Variants in CCSER2 observed in about 807,000 individuals in gnomAD.
CCSER2 encodes the protein coiled-coil serine rich protein 2, also known as serine-rich coiled-coil domain-containing protein 2.
A neutral mutation model predicts 92.3 loss-of-function variants in CCSER2; 46 were observed. That is an observed-to-expected ratio of 0.50 (90% CI 0.39 to 0.64). The LOEUF (loss-of-function observed/expected upper bound fraction) is 0.64, where lower values mean the gene tolerates loss of function less well. Among genes scored for constraint, CCSER2 ranks in the 30% least tolerant of loss-of-function variants. CCSER2 has a pLI of 0.00. For synonymous variants in CCSER2, 433 were observed against 431.4 expected, an observed-to-expected ratio of 1.00 and a Z score of -0.04; for missense variants, 1,244 against 1,238.9, an observed-to-expected ratio of 1.00 and a Z score of -0.06.
intron 9 of CCSER2, among the ~76,000 whole-genome samples, chr10:84,486,259 A>G (rs1847802775): frequency 1.3e-5 from 2 of 152,234 alleles, no homozygotes; most frequent in African/African-American, 4.8e-5. Flanking sequence ...GTATATATCC[A>G]GTAATGGGAT....
chr10:84,392,594 A>G (rs890167195), intron 3 of CCSER2, among the ~76,000 whole-genome samples: 1 of 152,100 alleles, frequency 6.6e-6, no homozygotes, highest in Non-Finnish European at 1.5e-5. Context: ...AACTGCACAA[A>G]CAGAACTAAT....
chr10:84,476,937 A>G (rs757633504), intron 8 of CCSER2, among the ~76,000 whole-genome samples: 2 of 152,206 alleles, frequency 1.3e-5, no homozygotes, highest in Non-Finnish European at 2.9e-5. Context: ...AGTAAAGTCA[A>G]TACATCATGA....
intron 3 of CCSER2, among the ~76,000 whole-genome samples, chr10:84,407,968 G>A (rs1188526472): frequency 6.6e-6 from 1 of 152,094 alleles, no homozygotes; most frequent in Non-Finnish European, 1.5e-5. Context: ...TGCATGGAGG[G>A]GAGGGGCGGG....
At chr10:84,495,576 A>G (rs1370141427) in intron 9 of CCSER2, among the ~76,000 whole-genome samples, 1 of 152,104 alleles carries the variant, frequency 6.6e-6, no homozygotes, top group East Asian at 1.9e-4. Flanking sequence ...CTGTAATTGT[A>G]GATTTGGCGA....
chr10:84,442,253 A>G (rs1844616346), intron 6 of CCSER2, among the ~76,000 whole-genome samples: 1 of 152,136 alleles, frequency 6.6e-6, no homozygotes, highest in South Asian at 2.1e-4. Flanking sequence ...GGGGAAGGTG[A>G]TGGTGCTACA....
chr10:84,425,883 G>T lies in CCSER2; in HGVS notation c.1858G>T (p.Asp620Tyr). 6.3e-7 allele frequency: 1 copy of T among 1,599,490 alleles called. No individual in the cohort carries two copies. The highest frequency in any genetic ancestry group is 1.1e-5 in the South Asian group (1 of 89,002). Residue 620 changes from aspartate to tyrosine, a missense_variant, in exon 5 of 10, where the codon GAC (aspartate) becomes TAC (tyrosine). Physicochemically the swap from Asp to Tyr is radical, Grantham distance 160. Transcript: ENST00000372088. ...CCACTATCATCACCATGGAAAAAGT[G>T]ACTTGAGCAGGTAAGTACTGTTCTG... ...PDHYHHHGKS[D>Y]LSRGSPYRES... is the part of the protein sequence containing the mutation.
chr10:84,425,270 T>A, intron 4 of CCSER2: 1 of 513,532 alleles, frequency 1.9e-6, no homozygotes, highest in Non-Finnish European at 2.5e-6. Context: ...GATGAAAAGT[T>A]AATTTGTGCT....
chr10:84,384,523 T>C (rs1440105498), intron 3 of CCSER2, among the ~76,000 whole-genome samples: 1 of 152,128 alleles, frequency 6.6e-6, no homozygotes, highest in Non-Finnish European at 1.5e-5. Context: ...ACAAAATCCA[T>C]ATGATCATCT....
At chr10:84,379,585 AC>A (rs1840781880) in intron 3 of CCSER2, among the ~76,000 whole-genome samples, 1 of 146,452 alleles carries the variant, frequency 6.8e-6, no homozygotes, top group South Asian at 2.2e-4. Flanking sequence ...TTCAGTAAAC[AC>A]CCTAGTAGTA....
rs372200920 is a variant in CCSER2 at position 84,347,782 on chromosome 10, G to T, written c.-40+18974G>T. Among the ~76,000 whole-genome samples the T allele has an allele frequency of 3.9e-3, 590 of 151,624 alleles. 4 individuals carry two copies. Among genetic ancestry groups the T allele is most frequent in the African/African-American group, 0.013 (553 of 41,330 alleles). On this transcript the variant is annotated intron_variant, in intron 1 of 9. Transcript: ENST00000372088. ...GGAGGGGCTCCTTCTCAGACGGGGCGGCTGGACAGAGACGCTCCTCACCTC... is the reference window on the plus strand; with the variant it reads ...GGAGGGGCTCCTTCTCAGACGGGGCTGCTGGACAGAGACGCTCCTCACCTC...
intron 1 of CCSER2, among the ~76,000 whole-genome samples, chr10:84,365,610 C>G (rs936325881): frequency 6.6e-6 from 1 of 152,132 alleles, no homozygotes; most frequent in African/African-American, 2.4e-5. Flanking sequence ...TTCTTTTCCC[C>G]CACAAACTGG....
At chr10:84,346,804 G>A (rs1285214299) in intron 1 of CCSER2, among the ~76,000 whole-genome samples, 1 of 149,412 alleles carries the variant, frequency 6.7e-6, no homozygotes, top group East Asian at 2.0e-4. Flanking sequence ...TTATTTTATT[G>A]ATCATTCTTG....
intron 5 of CCSER2, among the ~76,000 whole-genome samples, chr10:84,432,917 T>C (rs1843868599): frequency 6.6e-6 from 1 of 152,236 alleles, no homozygotes. Context: ...AAGTCATTCT[T>C]TTTGTTTGTA....
chr10:84,481,187 C>T (rs2133757450), intron 9 of CCSER2, among the ~76,000 whole-genome samples: 1 of 152,246 alleles, frequency 6.6e-6, no homozygotes, highest in Non-Finnish European at 1.5e-5. Flanking sequence ...AGGGTTACCC[C>T]TTGTGCCCCA....
At chr10:84,353,882 TAAAAACAA>T (rs56411148) in intron 1 of CCSER2, among the ~76,000 whole-genome samples, 27,216 of 146,280 alleles carry the variant, frequency 0.19, 2,819 homozygotes, top group South Asian at 0.28. Flanking sequence ...GGGTACAAAA[TAAAAACAA>T]AAAAACAAAA....
intron 6 of CCSER2, among the ~76,000 whole-genome samples, chr10:84,441,947 A>G (rs960296605): frequency 1.3e-5 from 2 of 151,578 alleles, no homozygotes; most frequent in African/African-American, 2.4e-5. Flanking sequence ...TAGTAGAGAC[A>G]GGGTTTCACC....
intron 6 of CCSER2, among the ~76,000 whole-genome samples, chr10:84,440,504 A>G (rs578035646): frequency 4.0e-4 from 61 of 152,318 alleles, no homozygotes; most frequent in African/African-American, 1.3e-3. Context: ...GCTTAATGAA[A>G]AAAACAGTAT....
intron 6 of CCSER2, among the ~76,000 whole-genome samples, chr10:84,440,708 A>C (rs1204372348): frequency 6.6e-6 from 1 of 152,314 alleles, no homozygotes; most frequent in East Asian, 1.9e-4. Flanking sequence ...TTTACTTCCT[A>C]AGAGAGGATT....
At chr10:84,425,529 A>G (rs1217262152) in intron 4 of CCSER2, among the ~76,000 whole-genome samples, 5 of 152,216 alleles carry the variant, frequency 3.3e-5, no homozygotes, top group Non-Finnish European at 4.4e-5. Context: ...AATTTACTTC[A>G]TTTTGAATAA....
Sources: allele counts gnomAD v4.1 joint callset (sites outside exome capture counted in the v4.1 genomes callset), GRCh38; gene constraint gnomAD v4.1.1; transcripts MANE v1.5; gene names NCBI Gene and HGNC (gene_info 2026-07-23, HGNC 2026-07-21).